RCAN2: variants seen among roughly 807,000 people sequenced by gnomAD.
The protein encoded by RCAN2 is calcipressin-2.
RCAN2 carries 9 observed loss-of-function variants against 23.6 expected under a neutral mutation model. The observed-to-expected ratio is 0.38, with a 90% CI of 0.23 to 0.67. RCAN2 has a LOEUF of 0.67. RCAN2 is among the 30% of genes least tolerant of loss of function. The pLI is 0.51. For synonymous variants in RCAN2, 109 were observed against 115.7 expected (o/e 0.94, Z 0.37); for missense variants, 273 against 302.3 (o/e 0.90, Z 0.72).
chr6:46,402,966 A>ATTT (rs58163048), intron 2 of RCAN2, among the ~76,000 whole-genome samples: 198 of 143,434 alleles, frequency 1.4e-3, no homozygotes, highest in African/African-American at 4.6e-3. Flanking sequence ...CTACATTTGA[A>ATTT]TTTTTTTTTT....
chr6:46,479,583 CTTTTT>C (rs57590590), intron 1 of RCAN2, among the ~76,000 whole-genome samples: 1 of 89,244 alleles, frequency 1.1e-5, no homozygotes, highest in African/African-American at 4.3e-5. Context: ...TCTGTCTCAC[CTTTTT>C]TTTTTTTTTT....
At chr6:46,268,916 GT>G (rs1767432990) in intron 2 of RCAN2, among the ~76,000 whole-genome samples, 1 of 152,182 alleles carries the variant, frequency 6.6e-6, no homozygotes, top group Non-Finnish European at 1.5e-5. Flanking sequence ...GTTTAATAAG[GT>G]TTTGTAGGAA....
chr6:46,284,882 C>T (rs886153881), intron 2 of RCAN2, among the ~76,000 whole-genome samples: 1 of 152,206 alleles, frequency 6.6e-6, no homozygotes. Flanking sequence ...ATTAAATACT[C>T]AACTGTTAAG....
chr6:46,332,805 G>A (rs1031795022), intron 2 of RCAN2, among the ~76,000 whole-genome samples: 30 of 152,066 alleles, frequency 2.0e-4, no homozygotes, highest in Non-Finnish European at 3.7e-4. Flanking sequence ...ATGATTTATA[G>A]TCCTTTGGGT....
intron 2 of RCAN2, among the ~76,000 whole-genome samples, chr6:46,433,919 A>G (rs1387640359): frequency 2.0e-5 from 3 of 152,196 alleles, no homozygotes; most frequent in Non-Finnish European, 4.4e-5. Context: ...ATGTTGTTAA[A>G]TGCTGCACAC....
At chr6:46,255,565 C>A (rs1449471325) in intron 2 of RCAN2, among the ~76,000 whole-genome samples, 1 of 152,038 alleles carries the variant, frequency 6.6e-6, no homozygotes, top group African/African-American at 2.4e-5. Context: ...TTAGGGTCAA[C>A]ATGAGGCACA....
intron 2 of RCAN2, among the ~76,000 whole-genome samples, chr6:46,382,907 A>G (rs1765646730): frequency 6.6e-6 from 1 of 152,188 alleles, no homozygotes; most frequent in South Asian, 2.1e-4. Context: ...CGATAGTTAC[A>G]GGCACAGAAA....
intron 2 of RCAN2, among the ~76,000 whole-genome samples, chr6:46,263,369 C>T (rs994739253): frequency 1.3e-5 from 2 of 152,012 alleles, no homozygotes; most frequent in East Asian, 1.9e-4. Flanking sequence ...ACCAAATACC[C>T]TTCTTCTATT....
intron 2 of RCAN2, among the ~76,000 whole-genome samples, chr6:46,311,282 A>G (rs1344259510): frequency 4.1e-4 from 63 of 152,082 alleles, no homozygotes; most frequent in South Asian, 4.1e-4. Flanking sequence ...TGGCTGTATC[A>G]TGGGTTCTGT....
In RCAN2 at chr6:46,404,906, T is replaced by C. The variant is rs1582174934; in HGVS notation, c.225+51846A>G. Among the ~76,000 whole-genome samples the C allele has an allele frequency of 2.0e-5, 3 of 152,310 alleles. No homozygotes were observed. In the South Asian group the frequency reaches 6.2e-4, roughly 32 times the overall value. On this transcript the variant is annotated intron_variant, in intron 2 of 4. Transcript: ENST00000371374. ...TCCACGTACTGAAGAAAACCAATTA[T>C]GTTCTCATGAGTGTATTGTAAAGAT...
intron 2 of RCAN2, among the ~76,000 whole-genome samples, chr6:46,332,939 T>C (rs1421138371): frequency 6.6e-6 from 1 of 152,226 alleles, no homozygotes; most frequent in African/African-American, 2.4e-5. Context: ...TGTAAAAGTG[T>C]TCCTATTTCT....
intron 2 of RCAN2, among the ~76,000 whole-genome samples, chr6:46,387,627 A>G (rs1367848646): frequency 1.3e-5 from 2 of 152,198 alleles, no homozygotes; most frequent in Non-Finnish European, 2.9e-5. Context: ...GGATGTGGAG[A>G]AATAGGAACA....
chr6:46,426,364 T>C (rs892765000), intron 2 of RCAN2, among the ~76,000 whole-genome samples: 1 of 152,274 alleles, frequency 6.6e-6, no homozygotes, highest in Non-Finnish European at 1.5e-5. Context: ...CTCTAGGTTT[T>C]ACTTTCAGTG....
chr6:46,323,626 TTC>T (rs1277700776), intron 2 of RCAN2, among the ~76,000 whole-genome samples: 1 of 152,210 alleles, frequency 6.6e-6, no homozygotes, highest in Admixed American at 6.5e-5. Context: ...ATGCTGTGCC[TTC>T]TCTCTTTCTG....
intron 2 of RCAN2, among the ~76,000 whole-genome samples, chr6:46,366,530 C>T (rs148250535): frequency 3.7e-4 from 57 of 152,220 alleles, no homozygotes; most frequent in African/African-American, 1.3e-3. Context: ...CCTTGATTTT[C>T]GGACTTTCAT....
At chr6:46,459,826 G>A (rs1267156508) in intron 1 of RCAN2, among the ~76,000 whole-genome samples, 1 of 152,022 alleles carries the variant, frequency 6.6e-6, no homozygotes, top group Non-Finnish European at 1.5e-5. Context: ...CTACATAAAA[G>A]AATATGTAAT....
At chr6:46,423,515 A>G (rs1437330111) in intron 2 of RCAN2, among the ~76,000 whole-genome samples, 1 of 152,200 alleles carries the variant, frequency 6.6e-6, no homozygotes, top group African/African-American at 2.4e-5. Context: ...TTGGTATAAT[A>G]TGGACTTATT....
At chr6:46,240,446 G>GA (rs1374042256) in intron 4 of RCAN2, among the ~76,000 whole-genome samples, 3 of 152,092 alleles carry the variant, frequency 2.0e-5, no homozygotes, top group Admixed American at 6.5e-5. Flanking sequence ...AAAAGCCTCT[G>GA]AAAAAACCTT....
At chr6:46,296,512 G>T (rs1224809418) in intron 2 of RCAN2, among the ~76,000 whole-genome samples, 25 of 151,782 alleles carry the variant, frequency 1.6e-4, no homozygotes, top group Non-Finnish European at 1.0e-4. Context: ...CTTCCTTAAG[G>T]TTACATTTAC....
Sources: gnomAD v4.1 joint callset for allele counts (sites outside exome capture counted in the v4.1 genomes callset) on GRCh38, gnomAD v4.1.1 for gene constraint, MANE v1.5 for transcripts, NCBI Gene and HGNC (gene_info 2026-07-23, HGNC 2026-07-21) for gene names.